The following PDE4D variants were observed in gnomAD, a reference collection of about 807,000 sequenced individuals.
The protein encoded by PDE4D is 3',5'-cyclic-AMP phosphodiesterase 4D.
PDE4D carries 24 observed loss-of-function variants against 87.4 expected under a neutral mutation model. The observed-to-expected ratio is 0.27, with a 90% CI of 0.20 to 0.39. The LOEUF (loss-of-function observed/expected upper bound fraction) is 0.39. Ranked by LOEUF, PDE4D falls within the 10% of genes least tolerant of loss-of-function variation. PDE4D has a pLI of 1.00. For missense variants in PDE4D, 714 were observed against 1,041.0 expected, an observed-to-expected ratio of 0.69 and a Z score of 4.32; for synonymous variants, 384 against 383.2, an observed-to-expected ratio of 1.00 and a Z score of -0.02.
At chr5:60,470,537 G>GTC (rs2150191384) in intron 1 of PDE4D, among the ~76,000 whole-genome samples, 1 of 152,276 alleles carries the variant, frequency 6.6e-6, no homozygotes, top group African/African-American at 2.4e-5. Context: ...CTAAAGAGAA[G>GTC]TCAATTCCTA....
rs71606610 is a variant in PDE4D at position 59,872,262 on chromosome 5, TACACACACACAC to T, written c.455+20894_455+20905del. Among the ~76,000 whole-genome samples the T allele has an allele frequency of 4.1e-3, 540 of 131,758 alleles. 3 individuals carry two copies. Among genetic ancestry groups the T allele is most frequent in the Admixed American group, 7.4e-3 (100 of 13,602 alleles). 86.4% of individuals were successfully genotyped at this position (131,758 alleles called of 152,430 possible). A position where few individuals can be genotyped will look rare whatever the true frequency, so the allele number is the denominator to read the frequency against. Reference sequence around the variant, plus strand: ...ACTGATGGATTCACAACAGAAGAGTTACACACACACACACACACACACACACACACACACACA... The same window carrying T: ...ACTGATGGATTCACAACAGAAGAGTTACACACACACACACACACACACACA... On this transcript the variant is annotated intron_variant, in intron 1 of 14. Transcript: ENST00000340635.
At chr5:59,711,058 T>C (rs1028482246) in intron 1 of PDE4D, among the ~76,000 whole-genome samples, 6 of 152,152 alleles carry the variant, frequency 3.9e-5, no homozygotes, top group African/African-American at 1.2e-4. Context: ...GGGTTCTCTA[T>C]TGTCTTCTCT....
At position 59,086,524 on chromosome 5, in the gene PDE4D, C is replaced by T. The variant is rs930076373; in HGVS notation, c.809-47553G>A. 5.3e-5 allele frequency among the ~76,000 whole-genome samples: 8 copies of T among 152,030 alleles called. No individual in the cohort carries two copies. In the East Asian group the frequency reaches 1.5e-3, roughly 29 times the overall value. On this transcript the variant is annotated intron_variant, in intron 5 of 14. Coordinates refer to ENST00000340635, the MANE Select transcript of PDE4D (RefSeq NM_001104631.2). ...TCTATATTTTTGTTTTTTTAGTCTA[C>T]TCATTGCCTGTGTGAGTACCTTCAC...
At chr5:59,753,276 G>A (rs1173774930) in intron 1 of PDE4D, among the ~76,000 whole-genome samples, 1 of 152,120 alleles carries the variant, frequency 6.6e-6, no homozygotes, top group African/African-American at 2.4e-5. Flanking sequence ...ATACCTGGTG[G>A]TATTGGGAGG....
chr5:60,251,702 G>T (rs576539349), intron 1 of PDE4D, among the ~76,000 whole-genome samples: 2 of 151,966 alleles, frequency 1.3e-5, no homozygotes, highest in African/African-American at 2.4e-5. Flanking sequence ...TGATATAATA[G>T]AATGATTTAT....
chr5:60,291,646 A>G (rs542377469), intron 1 of PDE4D, among the ~76,000 whole-genome samples: 57 of 152,068 alleles, frequency 3.7e-4, no homozygotes, highest in Non-Finnish European at 7.6e-4. Context: ...GTAATCCAAA[A>G]GATACAAACT....
intron 1 of PDE4D, among the ~76,000 whole-genome samples, chr5:59,693,426 C>T (rs1231989741): frequency 6.6e-5 from 10 of 152,084 alleles, no homozygotes; most frequent in African/African-American, 2.2e-4. Flanking sequence ...GTTATTAAAG[C>T]TAAGCCAAAA....
chr5:59,631,448 A>G (rs1831552367), intron 1 of PDE4D, among the ~76,000 whole-genome samples: 1 of 152,172 alleles, frequency 6.6e-6, no homozygotes, highest in South Asian at 2.1e-4. Context: ...TTCAATTGTA[A>G]GAGAATAAAG....
intron 1 of PDE4D, among the ~76,000 whole-genome samples, chr5:59,747,579 C>T (rs1308977142): frequency 6.6e-6 from 1 of 152,182 alleles, no homozygotes; most frequent in Non-Finnish European, 1.5e-5. Context: ...TGGATCATTT[C>T]TCACCTTCTC....
intron 1 of PDE4D, among the ~76,000 whole-genome samples, chr5:59,308,811 G>A (rs939260591): frequency 6.6e-6 from 1 of 151,962 alleles, no homozygotes; most frequent in Admixed American, 6.6e-5. Flanking sequence ...GAACTCCCAA[G>A]ATTATATGCC....
At chr5:60,190,284 A>T (rs1273727537) in intron 1 of PDE4D, among the ~76,000 whole-genome samples, 1 of 152,180 alleles carries the variant, frequency 6.6e-6, no homozygotes, top group African/African-American at 2.4e-5. Context: ...AATGTCCACT[A>T]ATTTGCCCTC....
intron 2 of PDE4D, among the ~76,000 whole-genome samples, chr5:60,035,670 T>C (rs1767716307): frequency 6.6e-6 from 1 of 152,198 alleles, no homozygotes; most frequent in Non-Finnish European, 1.5e-5. Context: ...TAATCTTCAA[T>C]GGCAGAGGTG....
chr5:60,341,850 CA>C (rs1269181138), intron 1 of PDE4D, among the ~76,000 whole-genome samples: 1 of 152,144 alleles, frequency 6.6e-6, no homozygotes, highest in East Asian at 1.9e-4. Flanking sequence ...CAACCAAACA[CA>C]GACCCATCAG....
At chr5:60,412,856 A>G (rs1742157447) in intron 1 of PDE4D, among the ~76,000 whole-genome samples, 1 of 152,144 alleles carries the variant, frequency 6.6e-6, no homozygotes, top group Non-Finnish European at 1.5e-5. Context: ...TATAACCCTT[A>G]CAACAAATCC....
At chr5:60,231,061 A>G (rs1057030241) in intron 1 of PDE4D, among the ~76,000 whole-genome samples, 1 of 152,088 alleles carries the variant, frequency 6.6e-6, no homozygotes, top group Non-Finnish European at 1.5e-5. Context: ...CGCATAAAAG[A>G]AAAAGAAATA....
intron 1 of PDE4D, among the ~76,000 whole-genome samples, chr5:60,295,441 A>G (rs1347386922): frequency 2.6e-5 from 4 of 152,206 alleles, no homozygotes; most frequent in African/African-American, 9.6e-5. Flanking sequence ...TGGGAAAAGC[A>G]GTCTTTCATC....
In PDE4D at chr5:58,972,845, T is replaced by A. The variant is rs1028314647; in HGVS notation, c.*1819A>T. On this transcript the variant is annotated 3_prime_UTR_variant, in exon 15 of 15. Transcript: ENST00000340635. ...TGGTGCTGAAATCAGCCAAGAGTGA[T>A]CTCTAATTTTTTATTTAACCAGAAT... 6.6e-6 allele frequency: 1 copy of A among 151,972 alleles called. No homozygotes were observed. The highest frequency in any genetic ancestry group is 2.4e-5 in the African/African-American group (1 of 41,380). 9.4% of individuals were successfully genotyped at this position (151,972 alleles called of 1,614,324 possible).
intron 2 of PDE4D, among the ~76,000 whole-genome samples, chr5:60,075,843 T>G (rs1478004884): frequency 2.0e-5 from 3 of 152,174 alleles, no homozygotes; most frequent in African/African-American, 7.2e-5. Flanking sequence ...TTGTACTGTG[T>G]TTTTTCAGCT....
intron 1 of PDE4D, among the ~76,000 whole-genome samples, chr5:59,713,910 A>G (rs986169901): frequency 6.6e-6 from 1 of 152,220 alleles, no homozygotes; most frequent in Non-Finnish European, 1.5e-5. Flanking sequence ...GGGTGCCTGG[A>G]GGCCCAGCTA....
Sources: gnomAD v4.1 joint callset for allele counts (sites outside exome capture counted in the v4.1 genomes callset) on GRCh38, gnomAD v4.1.1 for gene constraint, MANE v1.5 for transcripts, NCBI Gene and HGNC (gene_info 2026-07-23, HGNC 2026-07-21) for gene names.